The following ASTN2 variants were observed in gnomAD, a reference collection of about 807,000 sequenced individuals.
ASTN2 encodes the protein astrotactin-2.
In ASTN2, 54 loss-of-function variants were observed where a neutral mutation model predicts 139.8. The observed-to-expected ratio is 0.39, with a 90% CI of 0.31 to 0.48. ASTN2 has a LOEUF of 0.48. ASTN2 is among the 20% of genes least tolerant of loss of function. The pLI is 0.95. For missense variants in ASTN2, 1,565 were observed against 1,725.1 expected (o/e 0.91, Z 1.64); for synonymous variants, 756 against 719.5 (o/e 1.05, Z -0.81).
At chr9:117,214,943 G>A (rs1417173588) in intron 2 of ASTN2, among the ~76,000 whole-genome samples, 1 of 152,170 alleles carries the variant, frequency 6.6e-6, no homozygotes, top group African/African-American at 2.4e-5. Flanking sequence ...GTGACCCTAG[G>A]CAAACTTCTT....
At position 116,425,918 on chromosome 9, in the gene ASTN2, T is replaced by C. The variant is rs1003428290; in HGVS notation, c.3953A>G (p.Lys1318Arg). 1.2e-6 allele frequency: 2 copies of C among 1,614,172 alleles called. No individual in the cohort carries two copies. The highest frequency in any genetic ancestry group is 1.7e-6 in the Non-Finnish European group (2 of 1,180,026). The change falls in exon 23 of 23, where the codon AAA (lysine) becomes AGA (arginine). Residue 1318 changes from lysine (K) to arginine (R), a missense_variant. Physicochemically the swap from Lys to Arg is conservative, Grantham distance 26 (BLOSUM62 2). Transcript: ENST00000313400. ...CACCATCTTCTCCTCACACGTGATTTTGGTGTCCTTGAGGATGCTATACCA... is the reference window on the plus strand; with the variant it reads ...CACCATCTTCTCCTCACACGTGATTCTGGTGTCCTTGAGGATGCTATACCA... Reference protein sequence around the residue: ...MVWYSILKDTKITCEEKMVSM... With the variant: ...MVWYSILKDTRITCEEKMVSM...
chr9:117,148,293 G>A (rs73657678), intron 3 of ASTN2, among the ~76,000 whole-genome samples: 3,826 of 152,200 alleles, frequency 0.025, 155 homozygotes, highest in African/African-American at 0.082. Flanking sequence ...TTCTTGGGAC[G>A]ATTAAATGTA....
intron 1 of ASTN2, among the ~76,000 whole-genome samples, chr9:117,413,735 A>G (rs1227077796): frequency 6.6e-6 from 1 of 152,060 alleles, no homozygotes; most frequent in Non-Finnish European, 1.5e-5. Flanking sequence ...TCTTGCCTTT[A>G]AGTAATTATT....
intron 1 of ASTN2, among the ~76,000 whole-genome samples, chr9:117,391,443 T>C (rs1564180846): frequency 6.6e-6 from 1 of 152,152 alleles, no homozygotes. Flanking sequence ...AAAAACAGCT[T>C]GTGCAGAGAA....
chr9:117,305,885 G>A (rs1834986614), intron 1 of ASTN2, among the ~76,000 whole-genome samples: 1 of 152,168 alleles, frequency 6.6e-6, no homozygotes, highest in African/African-American at 2.4e-5. Context: ...ACATGTCTGT[G>A]CTCAATAATG....
At chr9:116,489,580 A>G (rs1849448395) in intron 19 of ASTN2, among the ~76,000 whole-genome samples, 1 of 152,166 alleles carries the variant, frequency 6.6e-6, no homozygotes. Context: ...TTGGCCTCCC[A>G]AAGTGCTGAG....
intron 1 of ASTN2, among the ~76,000 whole-genome samples, chr9:117,309,015 C>G (rs1329061650): frequency 1.3e-5 from 2 of 152,220 alleles, no homozygotes; most frequent in Non-Finnish European, 1.5e-5. Flanking sequence ...AATTATCCAT[C>G]AAGCCTATTA....
chr9:117,087,811 T>C (rs1279497100), intron 5 of ASTN2, among the ~76,000 whole-genome samples: 2 of 152,196 alleles, frequency 1.3e-5, no homozygotes, highest in Non-Finnish European at 2.9e-5. Context: ...TCTGCAATGC[T>C]AGGAAATGGC....
chr9:116,687,763 T>C (rs1432217030), intron 16 of ASTN2, among the ~76,000 whole-genome samples: 2 of 151,488 alleles, frequency 1.3e-5, no homozygotes. Context: ...TTCAGAAATA[T>C]GAAGGAACTG....
At chr9:116,825,749 C>T (rs776606811) in intron 11 of ASTN2, among the ~76,000 whole-genome samples, 2 of 152,216 alleles carry the variant, frequency 1.3e-5, no homozygotes, top group Non-Finnish European at 2.9e-5. Context: ...AAACTCTCAA[C>T]CTACTGGGGC....
At chr9:116,617,197 A>C (rs1249366358) in intron 19 of ASTN2, among the ~76,000 whole-genome samples, 1 of 152,198 alleles carries the variant, frequency 6.6e-6, no homozygotes, top group Non-Finnish European at 1.5e-5. Flanking sequence ...TCACAGCCTC[A>C]TTTTATCACT....
chr9:116,836,171 T>A (rs1831983708), intron 11 of ASTN2, among the ~76,000 whole-genome samples: 1 of 152,132 alleles, frequency 6.6e-6, no homozygotes, highest in Non-Finnish European at 1.5e-5. Context: ...TAGGTATGTC[T>A]AGTCACTGTT....
In ASTN2 at chr9:116,698,492, T is replaced by G. The variant is rs758672160; in HGVS notation, c.2806+27279A>C. 1 of 1,613,864 alleles carries G rather than the reference T, an allele frequency of 6.2e-7. No individual in the cohort carries two copies. The highest frequency in any genetic ancestry group is 1.7e-5 in the Admixed American group (1 of 60,018). ...TCCTGGCCAAGATCAAGCAGGCAGA[T>G]GTAGCACTACTGGAGGAGACAGCTG... is the stretch of plus-strand genomic sequence containing the variant. On this transcript the variant is annotated intron_variant, in intron 16 of 22. Transcript: ENST00000313400. The surrounding 1 kb of genome is among the most constrained non-coding windows in gnomAD (Gnocchi z 4.4).
At position 117,060,431 on chromosome 9, in the gene ASTN2, G is replaced by A. The variant is rs1216191455; in HGVS notation, c.1277-20466C>T. Among the ~76,000 whole-genome samples the A allele has an allele frequency of 3.8e-3, 237 of 61,992 alleles. 17 individuals carry two copies. Among genetic ancestry groups the A allele is most frequent in the African/African-American group, 0.015 (211 of 14,164 alleles). The allele number at this position is 61,992 out of a possible 152,430, so 40.7% of individuals were successfully genotyped here. ...GAAAGAAGGAAAGGAAGGAAGGAAGGAAGAGAGAGAGAGAAAGAAAGAAAG... is the reference window on the plus strand; with the variant it reads ...GAAAGAAGGAAAGGAAGGAAGGAAGAAAGAGAGAGAGAGAAAGAAAGAAAG... On this transcript the variant is annotated intron_variant, in intron 5 of 22. Coordinates refer to ENST00000313400, the MANE Select transcript of ASTN2 (RefSeq NM_001365068.1).
At chr9:116,613,586 A>C (rs1379867408) in intron 19 of ASTN2, 1 of 155,738 alleles carries the variant, frequency 6.4e-6, no homozygotes, top group East Asian at 1.9e-4. Context: ...GCAAATCAAT[A>C]AATGTAATCC....
rs1847261498 is a variant in ASTN2, at chr9:116,424,784, TCAC to T, written c.*1064_*1066del. Among the ~76,000 whole-genome samples, 1 of 152,088 alleles carries T rather than the reference TCAC, an allele frequency of 6.6e-6. No homozygotes were observed. Reference sequence around the variant, plus strand: ...TTGTATTGTTAGTAGAGACGGGGTTTCACCACATTAGCCAGGCTGGTCTCAAAC... The same window carrying T: ...TTGTATTGTTAGTAGAGACGGGGTTTCACATTAGCCAGGCTGGTCTCAAAC... On this transcript the variant is annotated 3_prime_UTR_variant, in exon 23 of 23. Transcript: ENST00000313400.
chr9:116,804,733 T>C (rs1830984726), intron 13 of ASTN2, among the ~76,000 whole-genome samples: 1 of 152,196 alleles, frequency 6.6e-6, no homozygotes, highest in Admixed American at 6.5e-5. Context: ...GACTTATTAC[T>C]AGTTCTGACT....
At chr9:117,230,378 A>G (rs945900894) in intron 2 of ASTN2, among the ~76,000 whole-genome samples, 1 of 151,992 alleles carries the variant, frequency 6.6e-6, no homozygotes, top group Non-Finnish European at 1.5e-5. Context: ...GCATCATTCC[A>G]ATCTGTCTCC....
chr9:116,621,527 T>C (rs1856154967), intron 17 of ASTN2, among the ~76,000 whole-genome samples: 1 of 152,040 alleles, frequency 6.6e-6, no homozygotes, highest in South Asian at 2.1e-4. Context: ...GGGTCTCAAA[T>C]AGGAAACATT....
Sources: allele counts gnomAD v4.1 joint callset (sites outside exome capture counted in the v4.1 genomes callset), GRCh38; gene constraint gnomAD v4.1.1; non-coding constraint Gnocchi (gnomAD v3.1); transcripts MANE v1.5; gene names NCBI Gene and HGNC (gene_info 2026-07-23, HGNC 2026-07-21).